The following RASGEF1B variants were observed in gnomAD, a reference collection of about 807,000 sequenced individuals.
The protein encoded by RASGEF1B is ras-GEF domain-containing family member 1B.
Under a neutral mutation model 65.7 loss-of-function variants are expected in RASGEF1B, and 30 were observed. The observed-to-expected ratio is 0.46, with a 90% CI of 0.34 to 0.62. RASGEF1B has a LOEUF of 0.62. Ranked by LOEUF, RASGEF1B falls within the 20% of genes least tolerant of loss-of-function variation. RASGEF1B has a pLI of 0.01. For missense variants in RASGEF1B, 495 were observed against 580.1 expected, an observed-to-expected ratio of 0.85 and a Z score of 1.51; for synonymous variants, 175 against 194.8, an observed-to-expected ratio of 0.90 and a Z score of 0.85.
rs150220568 is a variant in RASGEF1B, at chr4:81,428,930, T to C, written c.1398-1138A>G. ...TTTTGTAAATTATAATAGCCTGTTTTATTTTGTTTTAACTTCTTCGTGGTT... is the reference window on the plus strand; with the variant it reads ...TTTTGTAAATTATAATAGCCTGTTTCATTTTGTTTTAACTTCTTCGTGGTT... On this transcript the variant is annotated intron_variant, in intron 13 of 13. Transcript: ENST00000264400. Among the ~76,000 whole-genome samples the C allele has an allele frequency of 7.0e-3, 1,061 of 152,388 alleles. 2 individuals are homozygous for C. The highest frequency in any genetic ancestry group is 0.011 in the Non-Finnish European group (739 of 68,042).
intron 4 of RASGEF1B, chr4:81,455,813 A>G (rs1722423652): frequency 6.6e-6 from 1 of 152,252 alleles, no homozygotes; most frequent in East Asian, 1.9e-4. Flanking sequence ...TTTAATCTCT[A>G]CCTATACTAG....
chr4:81,435,940 A>T (rs1426217070), intron 10 of RASGEF1B, among the ~76,000 whole-genome samples: 1 of 151,444 alleles, frequency 6.6e-6, no homozygotes, highest in African/African-American at 2.4e-5. Context: ...CACCACACCC[A>T]GTTAATTTTT....
In RASGEF1B at chr4:81,430,289, A is replaced by T. The variant is rs574768726; in HGVS notation, c.1397+2010T>A. 1.2e-4 allele frequency among the ~76,000 whole-genome samples: 18 copies of T among 152,330 alleles called. No homozygotes were observed. The East Asian group carries it at 1.4e-3, about 11-fold the overall frequency. ...GCACTCCAGCCTGGGCGACAGAGAG[A>T]GACTTCGTCTCAAACAAACAAACAA... is the stretch of plus-strand genomic sequence containing the variant. On this transcript the variant is annotated intron_variant, in intron 13 of 13. Coordinates refer to ENST00000264400, the MANE Select transcript of RASGEF1B (RefSeq NM_152545.3).
chr4:81,435,139 C>T (rs933517676), intron 10 of RASGEF1B, among the ~76,000 whole-genome samples: 7 of 152,182 alleles, frequency 4.6e-5, no homozygotes, highest in Middle Eastern at 3.4e-3. Flanking sequence ...GGGCCGGGCA[C>T]GGTGGCTCAC....
chr4:81,471,736 G>A (rs1271318775), intron 1 of RASGEF1B, 34 bp downstream of exon 1: 2 of 152,674 alleles, frequency 1.3e-5, no homozygotes, highest in African/African-American at 4.8e-5. Flanking sequence ...TGGTCCCCCA[G>A]CCGGGAGAAC....
At chr4:81,466,833 G>C (rs1286494503) in intron 1 of RASGEF1B, among the ~76,000 whole-genome samples, 1 of 89,000 alleles carries the variant, frequency 1.1e-5, no homozygotes, top group Non-Finnish European at 2.4e-5. Context: ...AAAATTTCCA[G>C]ATTATCTTCC....
intron 10 of RASGEF1B, among the ~76,000 whole-genome samples, chr4:81,435,463 A>ATTTTTT (rs1200565994): frequency 2.3e-4 from 18 of 78,362 alleles, no homozygotes; most frequent in East Asian, 3.7e-4. Flanking sequence ...GCAGGCACCG[A>ATTTTTT]TTTTTTTTTT....
chr4:81,447,062 C>T (rs1313126965), intron 6 of RASGEF1B, among the ~76,000 whole-genome samples: 1 of 152,274 alleles, frequency 6.6e-6, no homozygotes, highest in Non-Finnish European at 1.5e-5. Flanking sequence ...GAGAGATTCA[C>T]CTTAAAACAA....
intron 1 of RASGEF1B, among the ~76,000 whole-genome samples, chr4:81,471,390 G>A (rs1403157159): frequency 1.3e-5 from 2 of 152,202 alleles, no homozygotes; most frequent in Non-Finnish European, 2.9e-5. Flanking sequence ...GAGACAGAAG[G>A]CCTGGCTGCA....
rs549085413 is a variant in RASGEF1B, at chr4:81,456,518, T to C, written c.438+133A>G. ...ACTTGACATACTAAATAGACCAATA[T>C]GTGATGTGGAGGGCTTGCCCAAAGG... On this transcript the variant is annotated intron_variant, in intron 4 of 13. Coordinates refer to ENST00000264400, the MANE Select transcript of RASGEF1B (RefSeq NM_152545.3). The C allele has an allele frequency of 5.4e-4, 464 of 860,800 alleles. 2 individuals carry two copies. The highest frequency in any genetic ancestry group is 8.5e-4 in the Non-Finnish European group (430 of 503,948). 53.3% of individuals were successfully genotyped at this position (860,800 alleles called of 1,614,324 possible).
intron 4 of RASGEF1B, chr4:81,453,494 A>G (rs904190256): frequency 3.3e-5 from 5 of 152,228 alleles, no homozygotes; most frequent in Admixed American, 2.6e-4. Context: ...CAAGGAAAAA[A>G]AGTCTATATG....
At chr4:81,465,278 T>C (rs1489665730) in intron 1 of RASGEF1B, among the ~76,000 whole-genome samples, 2 of 152,020 alleles carry the variant, frequency 1.3e-5, no homozygotes, top group Non-Finnish European at 1.5e-5. Context: ...AGGGAGATAA[T>C]GGAAAACAGA....
At chr4:81,461,024 G>T (rs1365008092) in intron 1 of RASGEF1B, among the ~76,000 whole-genome samples, 4 of 139,824 alleles carry the variant, frequency 2.9e-5, no homozygotes, top group Admixed American at 2.0e-4. Flanking sequence ...AACACAGATG[G>T]TCTGCACACA....
intron 2 of RASGEF1B, 137 bp from the exon 3 acceptor site, chr4:81,457,758 G>A: frequency 1.2e-6 from 1 of 821,088 alleles, no homozygotes. Flanking sequence ...CCTACTAGTA[G>A]TAAAACAGTG....
At chr4:81,463,840 G>A (rs1411297016) in intron 1 of RASGEF1B, among the ~76,000 whole-genome samples, 1 of 152,114 alleles carries the variant, frequency 6.6e-6, no homozygotes, top group Non-Finnish European at 1.5e-5. Context: ...TTCAGTTCTG[G>A]AATTGAAAAG....
intron 10 of RASGEF1B, among the ~76,000 whole-genome samples, chr4:81,436,852 T>C (rs1052528022): frequency 2.6e-5 from 4 of 152,252 alleles, no homozygotes; most frequent in African/African-American, 4.8e-5. Context: ...TTTCATTGAT[T>C]TCTGAAAATA....
chr4:81,455,478 A>T (rs765199887), intron 4 of RASGEF1B: 1 of 152,240 alleles, frequency 6.6e-6, no homozygotes, highest in Non-Finnish European at 1.5e-5. Context: ...GTTGCAGCAC[A>T]CCACTGAAAG....
chr4:81,447,595 G>A lies in RASGEF1B; in HGVS notation c.655-17C>T. ...GAGCCTCTCCTGAAACACAAACCCA[G>A]AAGGTCAACAGTATTAAAGAAAATG... On this transcript the variant is annotated splice_polypyrimidine_tract_variant and intron_variant, in intron 5 of 13. Transcript: ENST00000264400. 1 of 1,603,864 alleles carries A rather than the reference G, an allele frequency of 6.2e-7. No individual in the cohort carries two copies.
rs751071478 is a variant in RASGEF1B, at chr4:81,456,674, G to A, written c.415C>T (p.His139Tyr). Residue 139 changes from histidine to tyrosine, a missense_variant, in exon 4 of 14, where the codon CAC becomes TAC. Transcript: ENST00000264400. ...ACCTCTTCGCCACTGGCTATTCGGT[G>A]AGCCAGATCTTTTAAGTTTCTCATC... ...RMMRNLKDLA[H>Y]RIASGEEQTY... 5 of 1,614,070 alleles carry A rather than the reference G, an allele frequency of 3.1e-6. No individual in the cohort carries two copies. In the African/African-American group the frequency reaches 6.7e-5, roughly 22 times the overall value.
Sources: allele counts gnomAD v4.1 joint callset (sites outside exome capture counted in the v4.1 genomes callset), GRCh38; gene constraint gnomAD v4.1.1; transcripts MANE v1.5; gene names NCBI Gene and HGNC (gene_info 2026-07-23, HGNC 2026-07-21).